Variants in PCDHAC2 observed in about 807,000 individuals in gnomAD.
PCDHAC2 encodes the protein protocadherin alpha-C2.
Under a neutral mutation model 63.3 loss-of-function variants are expected in PCDHAC2, and 24 were observed. That is an observed-to-expected ratio of 0.38 (90% CI 0.27 to 0.53). The LOEUF is 0.53. Ranked by LOEUF, PCDHAC2 falls within the 20% of genes least tolerant of loss-of-function variation. The pLI, the probability that PCDHAC2 is intolerant of heterozygous loss-of-function variation, is 0.81. For synonymous variants in PCDHAC2, 569 were observed against 529.4 expected, an observed-to-expected ratio of 1.07 and a Z score of -1.03; for missense variants, 1,181 against 1,275.2, an observed-to-expected ratio of 0.93 and a Z score of 1.12.
At chr5:140,981,077 G>C (rs1178580802) in intron 2 of PCDHAC2, among the ~76,000 whole-genome samples, 1 of 152,168 alleles carries the variant, frequency 6.6e-6, no homozygotes, top group Non-Finnish European at 1.5e-5. Flanking sequence ...GGGAAGAATA[G>C]TAAAAGGTCA....
chr5:141,008,036 C>G (rs1372261299), intron 3 of PCDHAC2, among the ~76,000 whole-genome samples: 1 of 151,938 alleles, frequency 6.6e-6, no homozygotes, highest in Non-Finnish European at 1.5e-5. Context: ...GTTAATCTGC[C>G]TTTTGTAACA....
intron 3 of PCDHAC2, among the ~76,000 whole-genome samples, chr5:140,990,589 C>G (rs1208213426): frequency 6.6e-6 from 1 of 152,196 alleles, no homozygotes; most frequent in African/African-American, 2.4e-5. Flanking sequence ...TTCCTATAAT[C>G]ACCTGGAGTC....
intron 3 of PCDHAC2, among the ~76,000 whole-genome samples, chr5:140,996,546 T>C (rs1179221123): frequency 6.6e-6 from 1 of 152,224 alleles, no homozygotes; most frequent in Admixed American, 6.5e-5. Flanking sequence ...GATATTATGC[T>C]GTCACTATCT....
chr5:140,969,998 G>A (rs1345371434), intron 1 of PCDHAC2, among the ~76,000 whole-genome samples: 2 of 152,220 alleles, frequency 1.3e-5, no homozygotes, highest in Non-Finnish European at 2.9e-5. Flanking sequence ...GGCTGTCAGA[G>A]GGAGTGGATG....
Position 141,010,254 on chromosome 5 carries a change from C to T in PCDHAC2, c.*317C>T. Reference sequence around the variant, plus strand: ...GCCAGTGAGAGGTTGGACTCTCTGCCCTGTGCTCCGGGGATCCTGTCTTGA... The same window carrying T: ...GCCAGTGAGAGGTTGGACTCTCTGCTCTGTGCTCCGGGGATCCTGTCTTGA... On this transcript the variant is annotated 3_prime_UTR_variant, in exon 4 of 4. Transcript: ENST00000289269. The T allele has an allele frequency of 6.4e-7, 1 of 1,551,810 alleles. No individual in the cohort carries two copies. Among genetic ancestry groups the T allele is most frequent in the Non-Finnish European group, 8.7e-7 (1 of 1,147,018 alleles).
chr5:140,986,572 G>T (rs1587171327), intron 3 of PCDHAC2, among the ~76,000 whole-genome samples: 1 of 152,268 alleles, frequency 6.6e-6, no homozygotes, highest in East Asian at 1.9e-4. Context: ...TCTGTTATTG[G>T]TTTTTCCAGC....
chr5:140,975,522 G>A (rs2096670563), intron 1 of PCDHAC2, among the ~76,000 whole-genome samples: 1 of 152,128 alleles, frequency 6.6e-6, no homozygotes, highest in African/African-American at 2.4e-5. Context: ...ATCTGCAGTG[G>A]ATATATTCTT....
chr5:140,975,601 GA>G (rs781785883), intron 1 of PCDHAC2, among the ~76,000 whole-genome samples: 1 of 152,192 alleles, frequency 6.6e-6, no homozygotes, highest in Non-Finnish European at 1.5e-5. Flanking sequence ...GCAATTTGTT[GA>G]TGTCTTCCAC....
chr5:140,996,636 T>G (rs561950169), intron 3 of PCDHAC2, among the ~76,000 whole-genome samples: 17 of 152,346 alleles, frequency 1.1e-4, no homozygotes, highest in Middle Eastern at 6.8e-3. Context: ...CTGCAAATTA[T>G]GTAGTTAATC....
In PCDHAC2 at chr5:140,967,564, A is replaced by G. The variant is rs1554229677; in HGVS notation, c.798A>G (p.Leu266=). Reference sequence around the variant, plus strand: ...ACCAGTCCACTTATCGCGTCCAGCTACGGGAGGACTCACCCCCAGGCACAT... The same window carrying G: ...ACCAGTCCACTTATCGCGTCCAGCTGCGGGAGGACTCACCCCCAGGCACAT... The part of the protein sequence containing the change: ...AFDQSTYRVQ[L]REDSPPGTLV... Residue 266 remains leucine, a synonymous_variant, in exon 1 of 4, where the codon CTA becomes CTG. Coordinates refer to ENST00000289269, the MANE Select transcript of PCDHAC2 (RefSeq NM_018899.6). 10 of 1,614,070 alleles carry G rather than the reference A, an allele frequency of 6.2e-6. No individual in the cohort carries two copies. The Middle Eastern group carries it at 4.9e-4, about 80-fold the overall frequency.
intron 1 of PCDHAC2, among the ~76,000 whole-genome samples, chr5:140,972,725 G>A (rs985697414): frequency 2.7e-5 from 4 of 146,408 alleles, no homozygotes; most frequent in African/African-American, 7.7e-5. Context: ...GTGCAGTGGC[G>A]TAATCCCGGC....
chr5:140,981,881 C>T lies in PCDHAC2; in HGVS notation c.2625-594C>T, dbSNP rs138571007. Among the ~76,000 whole-genome samples the T allele has an allele frequency of 4.1e-3, 622 of 152,270 alleles. 4 individuals carry two copies. Among genetic ancestry groups the T allele is most frequent in the African/African-American group, 0.014 (590 of 41,550 alleles). ...CAGCAATGTTTTATGCTGAATTAAT[C>T]TCTTCTGAGCGGGGATCTGTGAGTG... On this transcript the variant is annotated intron_variant, in intron 2 of 3. Transcript: ENST00000289269.
intron 1 of PCDHAC2, among the ~76,000 whole-genome samples, chr5:140,973,323 A>G (rs1331752602): frequency 1.3e-5 from 2 of 152,160 alleles, no homozygotes; most frequent in African/African-American, 4.8e-5. Flanking sequence ...AACAGAGTTT[A>G]CACTCGTTGT....
intron 1 of PCDHAC2, among the ~76,000 whole-genome samples, chr5:140,978,727 G>A (rs1382730289): frequency 1.3e-5 from 2 of 152,198 alleles, no homozygotes; most frequent in South Asian, 2.1e-4. Flanking sequence ...TATTAAATCT[G>A]GTCTTCCAGG....
In PCDHAC2 at chr5:140,968,560, C is replaced by T. The variant is rs782202250; in HGVS notation, c.1794C>T (p.Ala598=). ...CCTTCGAGATGGTGCCTCGAACTGC[C>T]CCTGCTGGCTACCTGGTCACCAAAG... is the stretch of plus-strand genomic sequence containing the variant. ...SAAFEMVPRT[A]PAGYLVTKVI... is the part of the protein sequence containing the mutation. The change falls in exon 1 of 4, where the codon GCC becomes GCT. Residue 598 remains alanine, a synonymous_variant. Transcript: ENST00000289269. 2 of 1,614,154 alleles carry T rather than the reference C, an allele frequency of 1.2e-6. No individual in the cohort carries two copies. The highest frequency in any genetic ancestry group is 1.7e-5 in the Admixed American group (1 of 60,020).
chr5:140,966,881 C>A lies in PCDHAC2; in HGVS notation c.115C>A (p.Pro39Thr). The change falls in exon 1 of 4, where the codon CCT (proline) becomes ACT (threonine). Residue 39 changes from proline (P) to threonine (T), a missense_variant. Physicochemically the swap from Pro to Thr is conservative, Grantham distance 38. Around this residue, in one of 3 missense-constraint regions of PCDHAC2, gnomAD observed 210 missense variants for 184.9 expected, o/e 1.14. Transcript: ENST00000289269. ...LLLLLLLLPG[P>T]AASQLRYSVP... ...GCTGTTGCTGCTGCTGCTACCTGGC[C>A]CTGCGGCCTCCCAGCTGCGATACTC... 6.3e-7 allele frequency: 1 copy of A among 1,589,072 alleles called. No homozygotes were observed.
At chr5:141,005,479 G>A (rs371636060) in intron 3 of PCDHAC2, among the ~76,000 whole-genome samples, 43 of 151,818 alleles carry the variant, frequency 2.8e-4, no homozygotes, top group Non-Finnish European at 2.6e-4. Context: ...CGAGACGGGC[G>A]GATCATGAGG....
chr5:140,978,188 C>A (rs1480380395), intron 1 of PCDHAC2, among the ~76,000 whole-genome samples: 2 of 152,176 alleles, frequency 1.3e-5, no homozygotes, highest in Non-Finnish European at 2.9e-5. Context: ...GGCAACAGAT[C>A]TTTTCAATAC....
At position 140,967,902 on chromosome 5, in the gene PCDHAC2, C is replaced by T; in HGVS notation, c.1136C>T (p.Thr379Ile). 1 of 1,614,192 alleles carries T rather than the reference C, an allele frequency of 6.2e-7. No homozygotes were observed. The highest frequency in any genetic ancestry group is 2.2e-5 in the East Asian group (1 of 44,886). ...DLYSPVPENA[T>I]PNTIVAVLSV... Reference sequence around the variant, plus strand: ...TATAGCCCAGTGCCTGAGAATGCTACACCCAACACCATTGTGGCCGTTCTC... The same window carrying T: ...TATAGCCCAGTGCCTGAGAATGCTATACCCAACACCATTGTGGCCGTTCTC... The change falls in exon 1 of 4, where the codon ACA (threonine) becomes ATA (isoleucine). Residue 379 changes from threonine to isoleucine, a missense_variant. Physicochemically the swap from Thr to Ile is moderately conservative, Grantham distance 89 (BLOSUM62 -1). Coordinates refer to ENST00000289269, the MANE Select transcript of PCDHAC2 (RefSeq NM_018899.6).
Sources: allele counts gnomAD v4.1 joint callset (sites outside exome capture counted in the v4.1 genomes callset), GRCh38; gene constraint gnomAD v4.1.1; regional missense constraint gnomAD v4.1.1; transcripts MANE v1.5; gene names NCBI Gene and HGNC (gene_info 2026-07-23, HGNC 2026-07-21).